The following PTCHD1 variants were observed in gnomAD, a reference collection of about 807,000 sequenced individuals.
PTCHD1 encodes the protein patched domain-containing protein 1.
Under a neutral mutation model 34.6 loss-of-function variants are expected in PTCHD1, and 3 were observed. That is an observed-to-expected ratio of 0.09 (90% CI 0.04 to 0.22). The LOEUF (loss-of-function observed/expected upper bound fraction) is 0.22, where lower values mean the gene tolerates loss of function less well. Among genes scored for constraint, PTCHD1 ranks in the 10% least tolerant of loss-of-function variants. PTCHD1 has a pLI of 1.00. For missense variants in PTCHD1, 504 were observed against 685.5 expected (o/e 0.74, Z 2.96); for synonymous variants, 305 against 283.1 (o/e 1.08, Z -0.77).
Position 23,402,612 on chromosome X carries a change from C to T in PTCHD1, c.*8427C>T, listed in dbSNP as rs1478246529. The stretch of plus-strand genomic sequence containing the variant: ...AATTCCTCTTCAGCAGCTTTGAATA[C>T]ACTCAAGTTCTCTTCCTATTGTTTA... On this transcript the variant is annotated 3_prime_UTR_variant, in exon 3 of 3. Coordinates refer to ENST00000379361, the MANE Select transcript of PTCHD1 (RefSeq NM_173495.3). 8.9e-6 allele frequency: 1 copy of T among 112,030 alleles called. No individual in the cohort carries two copies. Among genetic ancestry groups the T allele is most frequent in the Non-Finnish European group, 1.9e-5 (1 of 53,194 alleles). 9.2% of individuals were successfully genotyped at this position (112,030 alleles called of 1,213,427 possible).
At chrX:23,391,617 T>G (rs1028001359) in intron 2 of PTCHD1, among the ~76,000 whole-genome samples, 3 of 111,345 alleles carry the variant, frequency 2.7e-5, no homozygotes, top group Non-Finnish European at 5.6e-5. Context: ...ACACTGCCTC[T>G]TTATCACTAA....
chrX:23,370,899 C>A (rs1169792915), intron 1 of PTCHD1, among the ~76,000 whole-genome samples: 1 of 110,898 alleles, frequency 9.0e-6, no homozygotes, highest in Admixed American at 9.6e-5. Context: ...TGTCTTTTTT[C>A]TAAAATCCTG....
chrX:23,337,540 A>G (rs1284986594), intron 1 of PTCHD1, among the ~76,000 whole-genome samples: 2 of 106,214 alleles, frequency 1.9e-5, no homozygotes, highest in Non-Finnish European at 3.9e-5. Flanking sequence ...AATTTTTTTC[A>G]TTTAGAGACA....
chrX:23,345,467 G>T (rs776609015), intron 1 of PTCHD1, among the ~76,000 whole-genome samples: 3 of 112,088 alleles, frequency 2.7e-5, no homozygotes, highest in Non-Finnish European at 5.6e-5. Context: ...AAGGAACCTT[G>T]CTGAACCTTT....
At chrX:23,348,516 C>T (rs1363760137) in intron 1 of PTCHD1, among the ~76,000 whole-genome samples, 1 of 110,096 alleles carries the variant, frequency 9.1e-6, no homozygotes, top group Non-Finnish European at 1.9e-5. Flanking sequence ...CTACAGAAAA[C>T]CAAAGACAAA....
In PTCHD1 at chrX:23,393,509, T is replaced by C; in HGVS notation, c.1991T>C (p.Leu664Pro). ...METNREELYD[L>P]LETLRRLSVT... ...ACAAACAGAGAAGAACTCTATGATC[T>C]CTTGGAAACCCTGAGGAGACTTTCT... Residue 664 changes from leucine to proline, a missense_variant, in exon 3 of 3, where the codon CTC (leucine) becomes CCC (proline). By Grantham distance (98) the Leu-to-Pro change is moderately conservative. Transcript: ENST00000379361. The C allele has an allele frequency of 2.5e-6, 3 of 1,211,689 alleles. No individual in the cohort carries two copies. The highest frequency in any genetic ancestry group is 3.5e-5 in the South Asian group (2 of 56,983).
At chrX:23,372,577 G>C (rs1922309496) in intron 1 of PTCHD1, among the ~76,000 whole-genome samples, 1 of 111,352 alleles carries the variant, frequency 9.0e-6, no homozygotes. Context: ...GTCCATGGTT[G>C]GTCATTCTCT....
At chrX:23,339,666 G>A (rs1054232223) in intron 1 of PTCHD1, among the ~76,000 whole-genome samples, 2 of 112,128 alleles carry the variant, frequency 1.8e-5, no homozygotes, top group African/African-American at 3.2e-5. Flanking sequence ...TCCAAATGCT[G>A]TCTCAACACT....
rs151286862 is a variant in PTCHD1 at position 23,346,617 on chromosome X, T to G, written c.351+11391T>G. Reference sequence around the variant, plus strand: ...TAAATGGATTTAGAAGAAGTCTTCCTAAAATTGGATGATGTAAAGACAGAA... The same window carrying G: ...TAAATGGATTTAGAAGAAGTCTTCCGAAAATTGGATGATGTAAAGACAGAA... On this transcript the variant is annotated intron_variant, in intron 1 of 2. Coordinates refer to ENST00000379361, the MANE Select transcript of PTCHD1 (RefSeq NM_173495.3). Among the ~76,000 whole-genome samples, 657 of 111,986 alleles carry G rather than the reference T, an allele frequency of 5.9e-3. 2 individuals carry two copies. The highest frequency in any genetic ancestry group is 9.5e-3 in the Non-Finnish European group (507 of 53,127).
chrX:23,339,349 G>A (rs1213986752), intron 1 of PTCHD1, among the ~76,000 whole-genome samples: 1 of 111,713 alleles, frequency 9.0e-6, no homozygotes, highest in African/African-American at 3.3e-5. Flanking sequence ...TTGGGTAGGG[G>A]AATTGCCTTT....
chrX:23,393,054 T>A lies in PTCHD1; in HGVS notation c.1536T>A (p.Ile512=). 1 of 1,211,783 alleles carries A rather than the reference T, an allele frequency of 8.3e-7. No homozygotes were observed. The highest frequency in any genetic ancestry group is 1.7e-5 in the African/African-American group (1 of 57,863). The part of the protein sequence containing the change: ...PFVVLFYLIY[I]SFALMGYLQV... ...TAGTTCTCTTTTACCTTATTTATAT[T>A]TCCTTTGCCTTAATGGGCTATCTGC... Residue 512 remains isoleucine (I), a synonymous_variant, in exon 3 of 3, where the codon ATT becomes ATA. Transcript: ENST00000379361.
At chrX:23,386,121 T>G (rs188934869) in intron 2 of PTCHD1, among the ~76,000 whole-genome samples, 5 of 111,664 alleles carry the variant, frequency 4.5e-5, no homozygotes, top group Non-Finnish European at 9.4e-5. Flanking sequence ...TATATCACAT[T>G]TGTATTCTAT....
intron 1 of PTCHD1, among the ~76,000 whole-genome samples, chrX:23,357,011 G>C (rs1420282937): frequency 8.9e-6 from 1 of 111,964 alleles, no homozygotes; most frequent in Non-Finnish European, 1.9e-5. Flanking sequence ...CTCCAGAAGG[G>C]TGACTTCCTC....
upstream of PTCHD1, chrX:23,334,780 G>GCGCCGCCGCCGCCGC (rs1555909518): frequency 3.8e-6 from 1 of 266,347 alleles, no homozygotes; most frequent in Non-Finnish European, 4.9e-6. Context: ...GCCGCCGCGG[G>GCGCCGCCGCCGCCGC]CGCCGCTGCC....
chrX:23,354,563 AG>A (rs1403248998), intron 1 of PTCHD1, among the ~76,000 whole-genome samples: 1 of 102,295 alleles, frequency 9.8e-6, no homozygotes, highest in East Asian at 3.0e-4. Flanking sequence ...CTTGGGAACA[AG>A]GTGAAATTCT....
chrX:23,378,187 A>G (rs781372190), intron 1 of PTCHD1, among the ~76,000 whole-genome samples: 18 of 112,058 alleles, frequency 1.6e-4, no homozygotes, highest in Non-Finnish European at 2.8e-4. Flanking sequence ...GTGAGTCAAA[A>G]CAGTTAAACT....
intron 1 of PTCHD1, among the ~76,000 whole-genome samples, chrX:23,358,960 A>T (rs1921893079): frequency 1.8e-5 from 2 of 111,821 alleles, no homozygotes; most frequent in African/African-American, 6.5e-5. Context: ...ATGGTTGTAG[A>T]TGCGTGGTGT....
Position 23,379,747 on chromosome X carries a change from A to G in PTCHD1, c.508A>G (p.Asn170Asp). ...GAATGCTCGGGCCACCAATCGGACC[A>G]ATTTTGCTATCACATACCCAATCAC... ...LKNARATNRT[N>D]FAITYPITHL... The change falls in exon 2 of 3, where the codon AAT becomes GAT. Residue 170 changes from asparagine (N) to aspartate (D), a missense_variant. By Grantham distance (23) the Asn-to-Asp change is conservative (BLOSUM62 1). Coordinates refer to ENST00000379361, the MANE Select transcript of PTCHD1 (RefSeq NM_173495.3). 1 of 1,211,621 alleles carries G rather than the reference A, an allele frequency of 8.3e-7. No homozygotes were observed. Among genetic ancestry groups the G allele is most frequent in the Admixed American group, 2.2e-5 (1 of 46,017 alleles).
At chrX:23,380,908 T>C (rs1459827728) in intron 2 of PTCHD1, among the ~76,000 whole-genome samples, 2 of 111,361 alleles carry the variant, frequency 1.8e-5, no homozygotes, top group Non-Finnish European at 3.8e-5. Context: ...TGCAGCACAC[T>C]CCTGCAGCCA....
Sources: gnomAD v4.1 joint callset for allele counts (sites outside exome capture counted in the v4.1 genomes callset) on GRCh38, gnomAD v4.1.1 for gene constraint, MANE v1.5 for transcripts, NCBI Gene and HGNC (gene_info 2026-07-23, HGNC 2026-07-21) for gene names.